Variants in VRK2 observed in about 807,000 individuals in gnomAD.
VRK2 encodes the protein serine/threonine-protein kinase VRK2.
VRK2 carries 60 observed loss-of-function variants against 57.6 expected under a neutral mutation model. The observed-to-expected ratio is 1.04, with a 90% confidence interval of 0.85 to 1.29. The LOEUF is 1.29. Ranked by LOEUF, VRK2 falls within the 50% of genes most tolerant of loss-of-function variation. VRK2 has a pLI of 0.00. For missense variants in VRK2, 705 were observed against 588.1 expected (o/e 1.20, Z -2.06); for synonymous variants, 231 against 199.2 (o/e 1.16, Z -1.35).
intron 1 of VRK2, among the ~76,000 whole-genome samples, chr2:57,933,454 A>G (rs1340199090): frequency 6.6e-6 from 1 of 150,574 alleles, no homozygotes. Flanking sequence ...CTGGGATTAC[A>G]GGCACCTGCC....
At chr2:58,096,999 A>G (rs1051184855) in intron 7 of VRK2, among the ~76,000 whole-genome samples, 1 of 152,012 alleles carries the variant, frequency 6.6e-6, no homozygotes, top group South Asian at 2.1e-4. Context: ...TAATGCCTAG[A>G]CTTATCACAA....
chr2:58,028,358 T>C (rs1229488335), intron 2 of VRK2: 1 of 152,170 alleles, frequency 6.6e-6, no homozygotes, highest in African/African-American at 2.4e-5. Flanking sequence ...ATCCAGTCTA[T>C]CATTGTTGGA....
At chr2:58,095,319 T>C (rs1168989985) in intron 7 of VRK2, among the ~76,000 whole-genome samples, 1 of 150,672 alleles carries the variant, frequency 6.6e-6, no homozygotes, top group Admixed American at 6.6e-5. Flanking sequence ...AAAATACTTG[T>C]TGGCATTTTC....
chr2:58,086,227 C>A, intron 4 of VRK2, 112 bp from the exon 5 acceptor site: 2 of 882,992 alleles, frequency 2.3e-6, no homozygotes, highest in East Asian at 5.3e-5. Flanking sequence ...AAATTATCTT[C>A]TAGGAAGATC....
chr2:58,151,731 G>GTTCTTTTTTTTTT (rs1683068421), intron 12 of VRK2, among the ~76,000 whole-genome samples: 2 of 16,722 alleles, frequency 1.2e-4, no homozygotes, highest in African/African-American at 2.7e-4. Context: ...TTCTATGCTT[G>GTTCTTTTTTTTTT]TTTTTTTTTT....
chr2:58,091,601 A>C (rs1243184760), intron 7 of VRK2, among the ~76,000 whole-genome samples: 1 of 152,088 alleles, frequency 6.6e-6, no homozygotes, highest in Non-Finnish European at 1.5e-5. Flanking sequence ...TGCATTGGTT[A>C]AATTTCTTAA....
chr2:57,933,120 T>C (rs1454776025), intron 1 of VRK2, among the ~76,000 whole-genome samples: 1 of 152,046 alleles, frequency 6.6e-6, no homozygotes, highest in Non-Finnish European at 1.5e-5. Flanking sequence ...ATGATCTGTG[T>C]ATGCCTAAGA....
chr2:57,915,725 G>A lies in VRK2; in HGVS notation c.-439+7886G>A, dbSNP rs532453037. Among the ~76,000 whole-genome samples, 55 of 152,278 alleles carry A rather than the reference G, an allele frequency of 3.6e-4. No individual in the cohort carries two copies. In the South Asian group the frequency reaches 6.4e-3, roughly 18 times the overall value. ...AGCTGCATTGACAGATCTTACATCAGGGGTCCCCAACCCGCTGGGCTGCAG... is the reference window on the plus strand; with the variant it reads ...AGCTGCATTGACAGATCTTACATCAAGGGTCCCCAACCCGCTGGGCTGCAG... On this transcript the variant is annotated intron_variant, in intron 1 of 15. Coordinates refer to the VRK2 transcript ENST00000417641.
chr2:58,028,903 A>ATATAT (rs1553378205), intron 2 of VRK2, among the ~76,000 whole-genome samples: 75 of 53,976 alleles, frequency 1.4e-3, no homozygotes, highest in African/African-American at 2.6e-3. Context: ...TAAATAAATA[A>ATATAT]ATATATATAT....
At chr2:57,933,758 G>A (rs920813909) in intron 1 of VRK2, among the ~76,000 whole-genome samples, 2 of 151,286 alleles carry the variant, frequency 1.3e-5, no homozygotes, top group African/African-American at 4.9e-5. Context: ...ATTTGCAATT[G>A]CCAATTTGTT....
chr2:58,132,160 T>C (rs975755503), intron 9 of VRK2, among the ~76,000 whole-genome samples: 6 of 152,220 alleles, frequency 3.9e-5, no homozygotes, highest in Admixed American at 2.6e-4. Context: ...TAAAGTGAAA[T>C]ATCTGTTCTT....
chr2:58,107,667 C>T (rs962594799), intron 7 of VRK2, among the ~76,000 whole-genome samples: 4 of 152,122 alleles, frequency 2.6e-5, no homozygotes, highest in Non-Finnish European at 5.9e-5. Flanking sequence ...TCATAAGAGA[C>T]CTCATTTTGA....
intron 1 of VRK2, among the ~76,000 whole-genome samples, chr2:58,023,239 CT>C (rs1673818821): frequency 6.6e-6 from 1 of 152,128 alleles, no homozygotes; most frequent in Admixed American, 6.5e-5. Flanking sequence ...CGTATCTGTC[CT>C]TTTGTGACTG....
chr2:58,145,988 T>C (rs1573390463), intron 11 of VRK2, among the ~76,000 whole-genome samples: 1 of 152,214 alleles, frequency 6.6e-6, no homozygotes, highest in South Asian at 2.1e-4. Flanking sequence ...TTCCATGGTG[T>C]ATATGTGCCA....
At chr2:57,973,634 C>A (rs1467975405) in intron 1 of VRK2, among the ~76,000 whole-genome samples, 1 of 151,708 alleles carries the variant, frequency 6.6e-6, no homozygotes, top group East Asian at 1.9e-4. Flanking sequence ...ATGAAGTGGG[C>A]CATCAAAGCA....
At chr2:57,920,048 T>C (rs1036090942) in intron 1 of VRK2, among the ~76,000 whole-genome samples, 2 of 152,152 alleles carry the variant, frequency 1.3e-5, no homozygotes, top group Admixed American at 6.6e-5. Flanking sequence ...TTGATTGAGA[T>C]TGATTTTTGG....
chr2:57,932,177 C>T (rs1670750245), intron 1 of VRK2, among the ~76,000 whole-genome samples: 1 of 151,416 alleles, frequency 6.6e-6, no homozygotes, highest in Non-Finnish European at 1.5e-5. Context: ...TTGTTTTGTC[C>T]TTGTCTGGCT....
At chr2:57,910,868 T>G (rs1394752267) in intron 1 of VRK2, among the ~76,000 whole-genome samples, 1 of 152,138 alleles carries the variant, frequency 6.6e-6, no homozygotes, top group Non-Finnish European at 1.5e-5. Flanking sequence ...GACTAACCAA[T>G]GTTGAGATTA....
At position 58,131,895 on chromosome 2, in the gene VRK2, A is replaced by G; in HGVS notation, c.764A>G (p.Lys255Arg). Residue 255 changes from lysine (K) to arginine (R), a missense_variant, in exon 9 of 13, where the codon AAG becomes AGG. Coordinates refer to ENST00000340157, the MANE Select transcript of VRK2 (RefSeq NM_006296.7). Reference sequence around the variant, plus strand: ...AAACTTCCCTGGGAACAGAACCTGAAGGACCCTGTGGCTGTGCAGACTGCT... The same window carrying G: ...AAACTTCCCTGGGAACAGAACCTGAGGGACCCTGTGGCTGTGCAGACTGCT... ...CGKLPWEQNLKDPVAVQTAKT... is the reference protein window; with the variant it reads ...CGKLPWEQNLRDPVAVQTAKT... 1 of 1,614,134 alleles carries G rather than the reference A, an allele frequency of 6.2e-7. No homozygotes were observed. The highest frequency in any genetic ancestry group is 8.5e-7 in the Non-Finnish European group (1 of 1,179,992).
Sources: gnomAD v4.1 joint callset for allele counts (sites outside exome capture counted in the v4.1 genomes callset) on GRCh38, gnomAD v4.1.1 for gene constraint, MANE v1.5 for transcripts, NCBI Gene and HGNC (gene_info 2026-07-23, HGNC 2026-07-21) for gene names.